Variants in CARMIL1 observed in about 807,000 individuals in gnomAD.
CARMIL1 encodes capping protein regulator and myosin 1 linker 1.
CARMIL1 carries 90 observed loss-of-function variants against 177.1 expected under a neutral mutation model. That is an observed-to-expected ratio of 0.51 (90% CI 0.43 to 0.61). The LOEUF is 0.61. Among genes scored for constraint, CARMIL1 ranks in the 20% least tolerant of loss-of-function variants. The pLI, the probability that CARMIL1 is intolerant of heterozygous loss-of-function variation, is 0.00. For synonymous variants in CARMIL1, 577 were observed against 606.2 expected (o/e 0.95, Z 0.71); for missense variants, 1,380 against 1,667.0 (o/e 0.83, Z 3.00).
intron 11 of CARMIL1, chr6:25,479,045 G>A (rs1291611624): frequency 7.9e-6 from 4 of 507,652 alleles, no homozygotes; most frequent in Non-Finnish European, 1.6e-5. Context: ...CCTGTGCTCT[G>A]ACATCCACAA....
At chr6:25,602,122 CAA>C (rs1476553547) in intron 33 of CARMIL1, among the ~76,000 whole-genome samples, 4 of 152,318 alleles carry the variant, frequency 2.6e-5, no homozygotes, top group Admixed American at 2.0e-4. Flanking sequence ...CCTGATCTTA[CAA>C]CTATTTACCA....
At chr6:25,380,574 CA>C (rs1361713860) in intron 2 of CARMIL1, among the ~76,000 whole-genome samples, 3 of 151,958 alleles carry the variant, frequency 2.0e-5, no homozygotes, top group Non-Finnish European at 2.9e-5. Context: ...ATGAACTCTA[CA>C]AAAAACTAAA....
In CARMIL1 at chr6:25,500,160, C is replaced by T. The variant is rs367610401; in HGVS notation, c.1326-6C>T. 6.2e-6 allele frequency: 10 copies of T among 1,613,462 alleles called. No homozygotes were observed. The highest frequency in any genetic ancestry group is 1.3e-5 in the African/African-American group (1 of 74,882). On this transcript the variant is annotated splice_region_variant and splice_polypyrimidine_tract_variant and intron_variant, in intron 16 of 36. Coordinates refer to ENST00000329474, the MANE Select transcript of CARMIL1 (RefSeq NM_017640.6). Reference sequence around the variant, plus strand: ...TGTATCTAATATGTGTGTTTCCTCCCCTCAGAGCACTGTTATTGGGCCTGG... The same window carrying T: ...TGTATCTAATATGTGTGTTTCCTCCTCTCAGAGCACTGTTATTGGGCCTGG...
intron 2 of CARMIL1, among the ~76,000 whole-genome samples, chr6:25,323,044 AT>A (rs1753397124): frequency 6.6e-6 from 1 of 152,222 alleles, no homozygotes; most frequent in East Asian, 1.9e-4. Context: ...TTTCCTCCCT[AT>A]TCTTGGTTGT....
intron 2 of CARMIL1, among the ~76,000 whole-genome samples, chr6:25,295,236 A>G (rs947724454): frequency 6.9e-6 from 1 of 144,100 alleles, no homozygotes; most frequent in African/African-American, 2.5e-5. Flanking sequence ...ATATATTTTA[A>G]AAAATGGAAT....
chr6:25,392,038 ATGTGTGTGTATATGCATGTG>A (rs1157044149), intron 2 of CARMIL1, among the ~76,000 whole-genome samples: 10 of 106,842 alleles, frequency 9.4e-5, no homozygotes, highest in African/African-American at 2.5e-4. Flanking sequence ...GTGTGTATGC[ATGTGTGTGTATATGCATGTG>A]TGTGTGTGTG....
At chr6:25,304,342 C>G (rs773842081) in intron 2 of CARMIL1, among the ~76,000 whole-genome samples, 1 of 152,136 alleles carries the variant, frequency 6.6e-6, no homozygotes, top group Non-Finnish European at 1.5e-5. Context: ...AGATTGCTTG[C>G]CCTCTTAACT....
intron 2 of CARMIL1, among the ~76,000 whole-genome samples, chr6:25,378,384 T>C (rs542057743): frequency 2.0e-5 from 3 of 152,350 alleles, no homozygotes; most frequent in East Asian, 3.9e-4. Context: ...TGCTCTCTTA[T>C]GGCTGCAGCA....
chr6:25,319,854 A>G (rs1784554361), intron 2 of CARMIL1, among the ~76,000 whole-genome samples: 1 of 135,322 alleles, frequency 7.4e-6, no homozygotes, highest in South Asian at 2.3e-4. Context: ...CTGAACCTCC[A>G]CCTCCGGGGT....
At chr6:25,598,969 G>A (rs1299019621) in intron 32 of CARMIL1, among the ~76,000 whole-genome samples, 6 of 152,182 alleles carry the variant, frequency 3.9e-5, no homozygotes, top group African/African-American at 1.4e-4. Flanking sequence ...AAAAAGTCCC[G>A]GGGATGTCAC....
At chr6:25,359,817 T>A (rs1788999335) in intron 2 of CARMIL1, among the ~76,000 whole-genome samples, 1 of 152,246 alleles carries the variant, frequency 6.6e-6, no homozygotes, top group South Asian at 2.1e-4. Context: ...GGGCCAATTG[T>A]TATAGTGTGT....
intron 36 of CARMIL1, among the ~76,000 whole-genome samples, chr6:25,618,669 G>C (rs1274014912): frequency 1.3e-5 from 2 of 152,170 alleles, no homozygotes. Flanking sequence ...TAATAAAACA[G>C]AGAGTGCCTA....
Position 25,279,743 on chromosome 6 carries a change from G to C in CARMIL1, c.-53G>C. ...ATTGAGGAGTTCGGGGAAGGGCAGG[G>C]GGCCATAAATCAGAGTTGGACCTGC... On this transcript the variant is annotated 5_prime_UTR_variant, in exon 1 of 37. Coordinates refer to ENST00000329474, the MANE Select transcript of CARMIL1 (RefSeq NM_017640.6). The C allele has an allele frequency of 3.2e-6, 5 of 1,576,678 alleles. No individual in the cohort carries two copies. The highest frequency in any genetic ancestry group is 4.4e-6 in the Non-Finnish European group (5 of 1,145,952).
chr6:25,340,789 T>G (rs936990131), intron 2 of CARMIL1, among the ~76,000 whole-genome samples: 2 of 147,604 alleles, frequency 1.4e-5, no homozygotes, highest in African/African-American at 5.0e-5. Context: ...TTTTTTTTTT[T>G]TTTTTTTTTT....
intron 34 of CARMIL1, 36 bp from the exon 35 acceptor site, chr6:25,606,025 G>T (rs191109714): frequency 8.6e-6 from 13 of 1,508,272 alleles, no homozygotes; most frequent in South Asian, 2.4e-5. Context: ...TGGCTTCTTT[G>T]ACCTTTGATT....
intron 2 of CARMIL1, among the ~76,000 whole-genome samples, chr6:25,331,063 G>A (rs1305335972): frequency 6.6e-6 from 1 of 152,124 alleles, no homozygotes; most frequent in African/African-American, 2.4e-5. Context: ...ACAACAAGCA[G>A]CAAACTTCCT....
In CARMIL1 at chr6:25,561,097, CTT is replaced by C. The variant is rs1469969280; in HGVS notation, c.2742+4249_2742+4250del. On this transcript the variant is annotated intron_variant, in intron 29 of 36. Transcript: ENST00000329474. Reference sequence around the variant, plus strand: ...GCTGAAACGTGTATTTCTTTAGAATCTTTATTGTTCACAGACCATCTGTTCTT... The same window carrying C: ...GCTGAAACGTGTATTTCTTTAGAATCTATTGTTCACAGACCATCTGTTCTT... 4.6e-5 allele frequency among the ~76,000 whole-genome samples: 7 copies of C among 152,286 alleles called. No individual in the cohort carries two copies. In the South Asian group the frequency reaches 1.2e-3, roughly 27 times the overall value.
At chr6:25,479,124 C>T (rs747462632) in intron 11 of CARMIL1, 2 of 518,980 alleles carry the variant, frequency 3.9e-6, no homozygotes, top group East Asian at 1.1e-4. Context: ...CTACCAAGAT[C>T]AAGAGACAGA....
At chr6:25,555,648 C>A (rs1384231943) in intron 28 of CARMIL1, among the ~76,000 whole-genome samples, 1 of 152,172 alleles carries the variant, frequency 6.6e-6, no homozygotes, top group African/African-American at 2.4e-5. Flanking sequence ...CCACCTGCCT[C>A]AGCCTCCCAA....
Sources: gnomAD v4.1 joint callset for allele counts (sites outside exome capture counted in the v4.1 genomes callset) on GRCh38, gnomAD v4.1.1 for gene constraint, MANE v1.5 for transcripts, NCBI Gene and HGNC (gene_info 2026-07-23, HGNC 2026-07-21) for gene names.